CMSS1: variants seen among roughly 807,000 people sequenced by gnomAD.
CMSS1 encodes the protein cms1 ribosomal small subunit homolog.
CMSS1 carries 33 observed loss-of-function variants against 43.5 expected under a neutral mutation model. That is an observed-to-expected ratio of 0.76 (90% CI 0.57 to 1.01). The LOEUF (loss-of-function observed/expected upper bound fraction) is 1.01. Ranked by LOEUF, CMSS1 falls within the 50% of genes least tolerant of loss-of-function variation. CMSS1 has a pLI of 0.00. For missense variants in CMSS1, 313 were observed against 326.4 expected (o/e 0.96, Z 0.32); for synonymous variants, 115 against 117.2 (o/e 0.98, Z 0.12).
chr3:100,038,667 G>C (rs1021309572), intron 1 of CMSS1, among the ~76,000 whole-genome samples: 2 of 152,152 alleles, frequency 1.3e-5, no homozygotes, highest in Admixed American at 1.3e-4. Flanking sequence ...GGTTTTGTTT[G>C]TTTCTTTCTT....
chr3:99,849,488 T>A lies in CMSS1; in HGVS notation c.64+31445T>A, dbSNP rs142569410. On this transcript the variant is annotated intron_variant, in intron 1 of 9. Coordinates refer to ENST00000421999, the MANE Select transcript of CMSS1 (RefSeq NM_032359.4). ...TGACATATTAGGTCTTCAGTTGCCA[T>A]GTATTCATGAATTTTCTCTTTTAAT... The A allele has an allele frequency of 4.3e-4, 694 of 1,613,516 alleles. 1 individual carries two copies. The highest frequency in any genetic ancestry group is 5.4e-4 in the Non-Finnish European group (643 of 1,179,906).
At chr3:99,926,954 A>C (rs571436368) in intron 1 of CMSS1, among the ~76,000 whole-genome samples, 1 of 152,308 alleles carries the variant, frequency 6.6e-6, no homozygotes, top group Non-Finnish European at 1.5e-5. Context: ...CATCACTGAC[A>C]GCATGATTTT....
chr3:100,116,951 T>C (rs2066575728), intron 1 of CMSS1, among the ~76,000 whole-genome samples: 2 of 152,210 alleles, frequency 1.3e-5, no homozygotes, highest in Admixed American at 1.3e-4. Flanking sequence ...AAGAGTTTCA[T>C]GTTCTTTCTA....
chr3:99,868,907 A>C (rs1003982576), intron 1 of CMSS1, among the ~76,000 whole-genome samples: 1 of 152,096 alleles, frequency 6.6e-6, no homozygotes, highest in Non-Finnish European at 1.5e-5. Flanking sequence ...CTGCTTTCTA[A>C]TTTGTTTTAG....
chr3:100,027,456 A>G (rs973099928), intron 1 of CMSS1, among the ~76,000 whole-genome samples: 2 of 152,136 alleles, frequency 1.3e-5, no homozygotes, highest in Non-Finnish European at 2.9e-5. Context: ...CAAAAAGAAG[A>G]ATGAGTGCTT....
chr3:99,892,709 C>A (rs1223981603), intron 1 of CMSS1, among the ~76,000 whole-genome samples: 1 of 152,156 alleles, frequency 6.6e-6, no homozygotes, highest in African/African-American at 2.4e-5. Flanking sequence ...AACTCTCCCC[C>A]AATTCCTTAC....
intron 1 of CMSS1, among the ~76,000 whole-genome samples, chr3:100,105,894 T>G (rs1364963797): frequency 6.6e-6 from 1 of 152,204 alleles, no homozygotes; most frequent in East Asian, 1.9e-4. Context: ...AAAACTTTTT[T>G]TTAATCAATG....
chr3:99,908,352 T>A (rs1706687635), intron 1 of CMSS1, among the ~76,000 whole-genome samples: 1 of 152,242 alleles, frequency 6.6e-6, no homozygotes, highest in Admixed American at 6.5e-5. Flanking sequence ...CTGGCTTCAC[T>A]CGTGTTCTCT....
At chr3:99,859,347 A>C (rs1446571999) in intron 1 of CMSS1, among the ~76,000 whole-genome samples, 2 of 152,234 alleles carry the variant, frequency 1.3e-5, no homozygotes, top group African/African-American at 4.8e-5. Flanking sequence ...TCCCAGTAAC[A>C]ACCAAATAGT....
chr3:99,960,349 C>G (rs1170385915), intron 1 of CMSS1, among the ~76,000 whole-genome samples: 4 of 152,084 alleles, frequency 2.6e-5, no homozygotes, highest in African/African-American at 7.2e-5. Flanking sequence ...AGTTAAGTGG[C>G]AGAACCTGGA....
At chr3:100,016,177 A>G (rs532756013) in intron 1 of CMSS1, among the ~76,000 whole-genome samples, 107 of 151,988 alleles carry the variant, frequency 7.0e-4, no homozygotes, top group Non-Finnish European at 5.3e-4. Context: ...CATTGGGGCT[A>G]TTGGGTCAGC....
intron 1 of CMSS1, among the ~76,000 whole-genome samples, chr3:100,084,193 G>A (rs552258276): frequency 7.2e-5 from 11 of 152,248 alleles, no homozygotes; most frequent in South Asian, 2.1e-4. Context: ...CAAAAGCTCC[G>A]TATTGTTATT....
intron 1 of CMSS1, among the ~76,000 whole-genome samples, chr3:100,063,072 G>A (rs1255329691): frequency 1.3e-5 from 2 of 152,232 alleles, no homozygotes; most frequent in Non-Finnish European, 2.9e-5. Context: ...AAAGTCAGAA[G>A]AACTTTGAAC....
chr3:100,035,686 T>C (rs2065096211), intron 1 of CMSS1, among the ~76,000 whole-genome samples: 1 of 152,242 alleles, frequency 6.6e-6, no homozygotes, highest in African/African-American at 2.4e-5. Context: ...TTTATCATTC[T>C]GATATAGGGG....
intron 1 of CMSS1, among the ~76,000 whole-genome samples, chr3:100,067,286 G>C (rs147170225): frequency 0.012 from 1,829 of 152,242 alleles, 24 homozygotes; most frequent in African/African-American, 0.027. Context: ...TCTCTTCTTG[G>C]CTTTCTTGGC....
intron 1 of CMSS1, among the ~76,000 whole-genome samples, chr3:100,019,563 G>T (rs2064768787): frequency 6.6e-6 from 1 of 151,972 alleles, no homozygotes; most frequent in Non-Finnish European, 1.5e-5. Context: ...ACGTAAAATT[G>T]TTCTATTTTA....
At chr3:100,027,493 A>G (rs535766206) in intron 1 of CMSS1, among the ~76,000 whole-genome samples, 1 of 152,266 alleles carries the variant, frequency 6.6e-6, no homozygotes, top group South Asian at 2.1e-4. Context: ...TAGCTTGGGA[A>G]CAGACTTTAT....
intron 1 of CMSS1, among the ~76,000 whole-genome samples, chr3:99,920,063 AT>A (rs1707076662): frequency 6.6e-6 from 1 of 152,202 alleles, no homozygotes; most frequent in African/African-American, 2.4e-5. Flanking sequence ...CTAGGCCAAG[AT>A]TTTATGAAAA....
chr3:100,013,466 A>C (rs904291163), intron 1 of CMSS1, among the ~76,000 whole-genome samples: 3 of 151,056 alleles, frequency 2.0e-5, no homozygotes, highest in African/African-American at 7.3e-5. Context: ...CTGGTCTCAA[A>C]CTCCTGACCT....
Sources: gnomAD v4.1 joint callset for allele counts (sites outside exome capture counted in the v4.1 genomes callset) on GRCh38, gnomAD v4.1.1 for gene constraint, MANE v1.5 for transcripts, NCBI Gene and HGNC (gene_info 2026-07-23, HGNC 2026-07-21) for gene names.